NR6A1: variants seen among roughly 807,000 people sequenced by gnomAD.
The protein encoded by NR6A1 is retinoic acid receptor-related testis-associated receptor.
Under a neutral mutation model 59.1 loss-of-function variants are expected in NR6A1, and 7 were observed. The observed-to-expected ratio is 0.12, with a 90% CI of 0.07 to 0.22. The LOEUF is 0.22. NR6A1 is among the 10% of genes least tolerant of loss of function. NR6A1 has a pLI of 1.00. For missense variants in NR6A1, 468 were observed against 611.6 expected (o/e 0.77, Z 2.48); for synonymous variants, 243 against 236.1 (o/e 1.03, Z -0.27).
At chr9:124,723,674 G>T (rs973957523) in intron 2 of NR6A1, among the ~76,000 whole-genome samples, 9 of 152,190 alleles carry the variant, frequency 5.9e-5, no homozygotes, top group African/African-American at 2.2e-4. Flanking sequence ...ACATAGCCTA[G>T]AACAGTATAC....
rs527941151 is a variant in NR6A1 at position 124,697,550 on chromosome 9, T to C, written c.142+35758A>G. Among the ~76,000 whole-genome samples the C allele has an allele frequency of 5.9e-4, 90 of 151,786 alleles. 1 individual carries two copies. In the South Asian group the frequency reaches 0.018, roughly 30 times the overall value. Reference sequence around the variant, plus strand: ...TGAAATAGAGTAAGCATTCCAAGCATAGAGAATGGATGGTATGTTGTGTAG... The same window carrying C: ...TGAAATAGAGTAAGCATTCCAAGCACAGAGAATGGATGGTATGTTGTGTAG... On this transcript the variant is annotated intron_variant, in intron 2 of 9. Transcript: ENST00000487099.
At chr9:124,743,771 CTGA>C (rs1221041814) in intron 1 of NR6A1, among the ~76,000 whole-genome samples, 1 of 152,218 alleles carries the variant, frequency 6.6e-6, no homozygotes, top group East Asian at 1.9e-4. Flanking sequence ...GCAATTCAGT[CTGA>C]TGAGTCAGAG....
chr9:124,630,741 C>T (rs1045795572), intron 2 of NR6A1, among the ~76,000 whole-genome samples: 5 of 132,124 alleles, frequency 3.8e-5, no homozygotes, highest in African/African-American at 1.2e-4. Context: ...TGCAATGGCA[C>T]GATCTCAGCT....
intron 2 of NR6A1, among the ~76,000 whole-genome samples, chr9:124,661,435 G>A (rs1162871147): frequency 1.3e-5 from 2 of 152,148 alleles, no homozygotes. Context: ...CCCTGCACAA[G>A]GAAGCTATAA....
At chr9:124,586,220 T>C (rs971833441) in intron 2 of NR6A1, among the ~76,000 whole-genome samples, 1 of 152,186 alleles carries the variant, frequency 6.6e-6, no homozygotes, top group Non-Finnish European at 1.5e-5. Flanking sequence ...GAAAACCTTC[T>C]GGAAAGGATT....
intron 2 of NR6A1, among the ~76,000 whole-genome samples, chr9:124,576,211 A>C (rs958982975): frequency 6.6e-6 from 1 of 152,186 alleles, no homozygotes; most frequent in Admixed American, 6.5e-5. Context: ...AGTTGTCCTT[A>C]AAGTTTTCTT....
chr9:124,675,958 C>A (rs1214017462), intron 2 of NR6A1, among the ~76,000 whole-genome samples: 1 of 152,112 alleles, frequency 6.6e-6, no homozygotes, highest in African/African-American at 2.4e-5. Context: ...GGATAAGAGT[C>A]CAAGACTTGG....
At chr9:124,666,122 TTCTTTG>T (rs1837604841) in intron 2 of NR6A1, among the ~76,000 whole-genome samples, 1 of 152,186 alleles carries the variant, frequency 6.6e-6, no homozygotes, top group African/African-American at 2.4e-5. Flanking sequence ...CTTTTTCTTT[TTCTTTG>T]TTCACTGAAT....
chr9:124,535,914 G>T lies in NR6A1; in HGVS notation c.1043C>A (p.Thr348Asn). ...KQIFGELADV[T>N]AKYSPSDEEL... ...TTCATCGGAGGGCGAGTACTTGGCAGTGACATCAGCCAGTTCCCCAAAGAT... is the reference window on the plus strand; with the variant it reads ...TTCATCGGAGGGCGAGTACTTGGCATTGACATCAGCCAGTTCCCCAAAGAT... The change falls in exon 7 of 10, where the codon ACT (threonine) becomes AAT (asparagine). Residue 348 changes from threonine (T) to asparagine (N), a missense_variant. Coordinates refer to ENST00000487099, the MANE Select transcript of NR6A1 (RefSeq NM_033334.4). 1 of 1,614,188 alleles carries T rather than the reference G, an allele frequency of 6.2e-7. No individual in the cohort carries two copies. Among genetic ancestry groups the T allele is most frequent in the Non-Finnish European group, 8.5e-7 (1 of 1,180,034 alleles).
chr9:124,620,604 G>A (rs1836041436), intron 2 of NR6A1, among the ~76,000 whole-genome samples: 1 of 152,166 alleles, frequency 6.6e-6, no homozygotes, highest in Non-Finnish European at 1.5e-5. Context: ...CAATTTATAT[G>A]ACATGTCCAG....
At chr9:124,688,361 G>GTC (rs1239687722) in intron 2 of NR6A1, among the ~76,000 whole-genome samples, 1 of 151,962 alleles carries the variant, frequency 6.6e-6, no homozygotes, top group Admixed American at 6.6e-5. Flanking sequence ...TGTGAATGTG[G>GTC]TCTCTCTCTC....
chr9:124,643,153 A>G (rs1836817057), intron 2 of NR6A1, among the ~76,000 whole-genome samples: 1 of 151,898 alleles, frequency 6.6e-6, no homozygotes, highest in Non-Finnish European at 1.5e-5. Flanking sequence ...ATGAATATAT[A>G]TTACCTTTAA....
chr9:124,561,077 T>A (rs1443056962), intron 2 of NR6A1, among the ~76,000 whole-genome samples: 1 of 152,086 alleles, frequency 6.6e-6, no homozygotes, highest in Non-Finnish European at 1.5e-5. Flanking sequence ...TAGATGTACC[T>A]CTGTTTCTCT....
intron 6 of NR6A1, among the ~76,000 whole-genome samples, 160 bp downstream of exon 6, chr9:124,537,932 A>T (rs1451734713): frequency 2.0e-5 from 3 of 152,186 alleles, no homozygotes; most frequent in African/African-American, 7.2e-5. Context: ...ATAAGGGATC[A>T]CTGGTTTCAA....
rs1014418729 is a variant in NR6A1, at chr9:124,702,881, C to T, written c.142+30427G>A. ...TAGAGCAATGCAAAACAGAATTTTG[C>T]CTATTCTACGAATAGGCAAATTTTT... is the stretch of plus-strand genomic sequence containing the variant. On this transcript the variant is annotated intron_variant, in intron 2 of 9. Coordinates refer to ENST00000487099, the MANE Select transcript of NR6A1 (RefSeq NM_033334.4). Among the ~76,000 whole-genome samples the T allele has an allele frequency of 2.0e-5, 3 of 151,904 alleles. No individual in the cohort carries two copies. In the East Asian group the frequency reaches 5.8e-4, roughly 29 times the overall value.
At chr9:124,766,977 A>G (rs1840951168) in intron 1 of NR6A1, among the ~76,000 whole-genome samples, 1 of 152,252 alleles carries the variant, frequency 6.6e-6, no homozygotes, top group Non-Finnish European at 1.5e-5. Flanking sequence ...ATCATTAGCA[A>G]TTTAAAGCCA....
chr9:124,681,495 C>T (rs186838860), intron 2 of NR6A1, among the ~76,000 whole-genome samples: 26 of 151,956 alleles, frequency 1.7e-4, no homozygotes, highest in Non-Finnish European at 3.1e-4. Flanking sequence ...GTGCATGCCA[C>T]CACACCTAGC....
At position 124,771,228 on chromosome 9, in the gene NR6A1, C is replaced by G. The variant is rs943974904; in HGVS notation, c.-109G>C. On this transcript the variant is annotated 5_prime_UTR_variant, in exon 1 of 10. Transcript: ENST00000487099. ...GAGGAGGTTGTCAGGAGCCCGCGAG[C>G]TCCCGGCCGCGGCTCTCTCTGGGCC... 1.8e-6 allele frequency: 1 copy of G among 563,096 alleles called. No individual in the cohort carries two copies. The highest frequency in any genetic ancestry group is 2.6e-6 in the Non-Finnish European group (1 of 378,602). The allele number at this position is 563,096 out of a possible 1,614,324, so 34.9% of individuals were successfully genotyped here. A position where few individuals can be genotyped will look rare whatever the true frequency, so the allele number is the denominator to read the frequency against.
chr9:124,595,620 C>A (rs1310181821), intron 2 of NR6A1: 6 of 430,504 alleles, frequency 1.4e-5, no homozygotes, highest in Non-Finnish European at 2.3e-5. Context: ...AACTTTCTAG[C>A]TGAACTCTGC....
Sources: gnomAD v4.1 joint callset for allele counts (sites outside exome capture counted in the v4.1 genomes callset) on GRCh38, gnomAD v4.1.1 for gene constraint, MANE v1.5 for transcripts, NCBI Gene and HGNC (gene_info 2026-07-23, HGNC 2026-07-21) for gene names.